CYFIP1: variants seen among roughly 807,000 people sequenced by gnomAD.
The protein encoded by CYFIP1 is cytoplasmic FMR1-interacting protein 1.
Under a neutral mutation model 163.5 loss-of-function variants are expected in CYFIP1, and 58 were observed. The ratio of observed to expected loss-of-function variants is 0.35; its 90% CI spans 0.29 to 0.44. The LOEUF is 0.44. CYFIP1 is among the 20% of genes least tolerant of loss of function. CYFIP1 has a pLI of 1.00. For missense variants in CYFIP1, 1,338 were observed against 1,653.8 expected, an observed-to-expected ratio of 0.81 and a Z score of 3.31; for synonymous variants, 663 against 660.7, an observed-to-expected ratio of 1.00 and a Z score of -0.05.
chr15:22,968,794 G>C (rs930419355), intron 1 of CYFIP1, among the ~76,000 whole-genome samples: 1 of 152,178 alleles, frequency 6.6e-6, no homozygotes, highest in Admixed American at 6.5e-5. Context: ...TGATCTCTGG[G>C]GGCAGCTGGC....
chr15:22,905,256 T>C (rs1009441240), intron 21 of CYFIP1: 6 of 152,158 alleles, frequency 3.9e-5, no homozygotes, highest in African/African-American at 1.2e-4. Flanking sequence ...ACCAAATACA[T>C]GATGTATGCT....
chr15:22,894,775 CATAT>C (rs1056794085), intron 22 of CYFIP1, among the ~76,000 whole-genome samples: 2 of 147,866 alleles, frequency 1.4e-5, no homozygotes, highest in African/African-American at 2.5e-5. Flanking sequence ...AATCAAAATA[CATAT>C]ATATGATACA....
At chr15:22,876,077 G>C (rs1022386802) in intron 26 of CYFIP1, among the ~76,000 whole-genome samples, 1 of 151,688 alleles carries the variant, frequency 6.6e-6, no homozygotes, top group Non-Finnish European at 1.5e-5. Context: ...CAGGCAGAAG[G>C]TGATGGAGCC....
rs370070516 is a variant in CYFIP1, at chr15:22,916,844, C to T, written c.1675-214G>A. The stretch of plus-strand genomic sequence containing the variant: ...AACTTGTAGCGGAGCAGTTCGCCTC[C>T]GTGCCATAAACGTCAAGAGAAACAA... On this transcript the variant is annotated intron_variant, in intron 15 of 30. Transcript: ENST00000617928. 9.7e-6 allele frequency: 15 copies of T among 1,553,694 alleles called. No homozygotes were observed. In the East Asian group the frequency reaches 2.7e-4, roughly 28 times the overall value.
At chr15:22,979,178 C>A (rs1742847766) in intron 1 of CYFIP1, among the ~76,000 whole-genome samples, 1 of 152,132 alleles carries the variant, frequency 6.6e-6, no homozygotes. Flanking sequence ...GGCCCGCGCC[C>A]ACTCACAGCG....
rs1190323321 is a variant in CYFIP1, at chr15:22,868,107, CCT to C, written c.*1919_*1920del. The C allele has an allele frequency of 2.0e-5, 3 of 152,274 alleles. No homozygotes were observed. Among genetic ancestry groups the C allele is most frequent in the Admixed American group, 6.5e-5 (1 of 15,288 alleles). 9.4% of individuals were successfully genotyped at this position (152,274 alleles called of 1,614,324 possible). A position where few individuals can be genotyped will look rare whatever the true frequency, so the allele number is the denominator to read the frequency against. On this transcript the variant is annotated 3_prime_UTR_variant, in exon 31 of 31. Coordinates refer to ENST00000617928, the MANE Select transcript of CYFIP1 (RefSeq NM_014608.6). ...AAGCCATCACTCCCCGAGGGCCTCC[CCT>C]GCCAATGGTGCTGGTATCCCATGCA...
At chr15:22,926,538 A>G (rs373264566) in intron 12 of CYFIP1, among the ~76,000 whole-genome samples, 20 of 152,298 alleles carry the variant, frequency 1.3e-4, no homozygotes, top group African/African-American at 4.8e-4. Flanking sequence ...AAGTAAATAA[A>G]GATTTTGCCT....
rs1328629798 is a variant in CYFIP1, at chr15:22,868,399, A to AGAT, written c.*1626_*1628dup. ...CTTATTTAACATTTTGTAGCACTTG[A>AGAT]GATTGTCTTATACCTAAGGTATTAC... On this transcript the variant is annotated 3_prime_UTR_variant, in exon 31 of 31. Transcript: ENST00000617928. 2 of 152,032 alleles carry AGAT rather than the reference A, an allele frequency of 1.3e-5. No homozygotes were observed. The highest frequency in any genetic ancestry group is 2.9e-5 in the Non-Finnish European group (2 of 68,038). The allele number at this position is 152,032 out of a possible 1,614,324, so 9.4% of individuals were successfully genotyped here. A position where few individuals can be genotyped will look rare whatever the true frequency, so the allele number is the denominator to read the frequency against.
chr15:22,910,687 A>G, intron 19 of CYFIP1, 50 bp downstream of exon 19: 1 of 1,605,664 alleles, frequency 6.2e-7, no homozygotes. Context: ...TGGGAATGTC[A>G]GATCAAATTA....
chr15:22,929,569 T>G (rs28520432), intron 11 of CYFIP1, among the ~76,000 whole-genome samples: 38,524 of 141,452 alleles, frequency 0.27, 5,423 homozygotes, highest in East Asian at 0.47. Flanking sequence ...GAGGTGGAAG[T>G]TGCAATGAGC....
At chr15:22,883,703 G>A (rs187820982) in intron 23 of CYFIP1, among the ~76,000 whole-genome samples, 27 of 151,282 alleles carry the variant, frequency 1.8e-4, no homozygotes, top group African/African-American at 5.8e-4. Flanking sequence ...TGTAGTCCCA[G>A]CTACTCGGGA....
intron 10 of CYFIP1, among the ~76,000 whole-genome samples, chr15:22,932,587 CG>C (rs1173121986): frequency 6.6e-6 from 1 of 152,178 alleles, no homozygotes; most frequent in African/African-American, 2.4e-5. Context: ...GATGCAACTT[CG>C]TTTGTCAAAA....
intron 1 of CYFIP1, among the ~76,000 whole-genome samples, chr15:22,954,970 G>A (rs1026899578): frequency 3.9e-5 from 6 of 152,142 alleles, no homozygotes; most frequent in Admixed American, 1.3e-4. Context: ...AACATCCACC[G>A]GGCGGTGGCA....
At chr15:22,881,222 A>C (rs1407500735) in intron 25 of CYFIP1, among the ~76,000 whole-genome samples, 2 of 152,216 alleles carry the variant, frequency 1.3e-5, no homozygotes, top group Non-Finnish European at 2.9e-5. Flanking sequence ...GTGCAGGCTC[A>C]AGTCGCTTTA....
In CYFIP1 at chr15:22,872,200, C is replaced by T. The variant is rs534772567; in HGVS notation, c.3597+625G>A. The stretch of plus-strand genomic sequence containing the variant: ...ATCCCAGCTACTCGGGAGGCTGAGG[C>T]AGGAGAATCACTTGAACCTGGGCAG... On this transcript the variant is annotated intron_variant, in intron 30 of 30. Transcript: ENST00000617928. Among the ~76,000 whole-genome samples, 17 of 150,288 alleles carry T rather than the reference C, an allele frequency of 1.1e-4. No individual in the cohort carries two copies. In the South Asian group the frequency reaches 1.7e-3, roughly 15 times the overall value.
chr15:22,944,470 G>C (rs1037027443), intron 5 of CYFIP1, 88 bp downstream of exon 5: 8 of 856,718 alleles, frequency 9.3e-6, no homozygotes, highest in African/African-American at 1.7e-5. Flanking sequence ...ACTCTGTTCA[G>C]GGTGTTCACA....
chr15:22,881,741 C>T (rs1238852991), intron 25 of CYFIP1, 105 bp downstream of exon 25: 3 of 1,071,730 alleles, frequency 2.8e-6, no homozygotes, highest in Non-Finnish European at 4.1e-6. Flanking sequence ...CTGTCTACTG[C>T]CTCTTCCCAC....
Position 22,917,675 on chromosome 15 carries a change from T to C in CYFIP1, c.1674+113A>G, listed in dbSNP as rs747691419. ...AACCACAGGCGCCACTTTCTCTGCC[T>C]GAGCAGGCAGCGAGGACCTCATTTA... On this transcript the variant is annotated intron_variant, in intron 15 of 30. Coordinates refer to ENST00000617928, the MANE Select transcript of CYFIP1 (RefSeq NM_014608.6). This position sits in a 1 kb window ranked among gnomAD's most constrained non-coding sequence, Gnocchi z 4.2. 75 of 1,292,010 alleles carry C rather than the reference T, an allele frequency of 5.8e-5. No individual in the cohort carries two copies. The highest frequency in any genetic ancestry group is 1.6e-4 in the Admixed American group (5 of 31,964). The allele number at this position is 1,292,010 out of a possible 1,614,324, so 80.0% of individuals were successfully genotyped here.
At chr15:22,952,526 G>A (rs1030477014) in intron 1 of CYFIP1, among the ~76,000 whole-genome samples, 1 of 151,610 alleles carries the variant, frequency 6.6e-6, no homozygotes, top group African/African-American at 2.4e-5. Context: ...ATAGTGACAG[G>A]TGCCTGTAAT....
Sources: gnomAD v4.1 joint callset for allele counts (sites outside exome capture counted in the v4.1 genomes callset) on GRCh38, gnomAD v4.1.1 for gene constraint, Gnocchi (gnomAD v3.1) non-coding constraint, MANE v1.5 for transcripts, NCBI Gene and HGNC (gene_info 2026-07-23, HGNC 2026-07-21) for gene names.